Variants in SLC24A2 observed in about 807,000 individuals in gnomAD.
SLC24A2 encodes solute carrier family 24 member 2, also known as sodium/potassium/calcium exchanger 2.
A neutral mutation model predicts 62.0 loss-of-function variants in SLC24A2; 36 were observed. That is an observed-to-expected ratio of 0.58 (90% CI 0.44 to 0.77). The LOEUF (loss-of-function observed/expected upper bound fraction) is 0.77, where lower values mean the gene tolerates loss of function less well. SLC24A2 is among the 30% of genes least tolerant of loss of function. SLC24A2 has a pLI of 0.00. For synonymous variants in SLC24A2, 358 were observed against 294.0 expected, an observed-to-expected ratio of 1.22 and a Z score of -2.23; for missense variants, 846 against 817.9, an observed-to-expected ratio of 1.03 and a Z score of -0.42.
At chr9:19,925,289 T>C in the SLC24A2 span, among the ~76,000 whole-genome samples, 4 of 152,180 alleles carry the variant, frequency 2.6e-5, no homozygotes, top group African/African-American at 9.7e-5. Flanking sequence ...ACCCTGCTGC[T>C]TAGATCTACA....
chr9:20,294,952 C>G, the SLC24A2 span, among the ~76,000 whole-genome samples: 1 of 151,764 alleles, frequency 6.6e-6, no homozygotes, highest in African/African-American at 2.4e-5. Flanking sequence ...TAAGCACACC[C>G]ATTTTAGATC....
chr9:19,896,580 C>T, the SLC24A2 span, among the ~76,000 whole-genome samples: 4 of 152,136 alleles, frequency 2.6e-5, no homozygotes, highest in Non-Finnish European at 5.9e-5. Flanking sequence ...GTATCATCAC[C>T]ATCTAACAGA....
At chr9:19,642,349 A>G (rs1413889623) in intron 2 of SLC24A2, among the ~76,000 whole-genome samples, 5 of 152,172 alleles carry the variant, frequency 3.3e-5, no homozygotes, top group Non-Finnish European at 7.3e-5. Context: ...CTCAGTGAAG[A>G]TGTGCCCAGT....
the SLC24A2 span, among the ~76,000 whole-genome samples, chr9:20,165,359 C>G: frequency 4.0e-5 from 6 of 151,652 alleles, 1 homozygote; most frequent in Admixed American, 3.9e-4. Context: ...AGGAAAATAA[C>G]TGAAAAGGAA....
the SLC24A2 span, among the ~76,000 whole-genome samples, chr9:19,885,083 G>C: frequency 6.6e-6 from 1 of 152,182 alleles, no homozygotes; most frequent in African/African-American, 2.4e-5. Context: ...CTTTATCCTT[G>C]TGAGTGTCTC....
At chr9:19,931,313 A>G in the SLC24A2 span, among the ~76,000 whole-genome samples, 1 of 152,222 alleles carries the variant, frequency 6.6e-6, no homozygotes, top group African/African-American at 2.4e-5. Flanking sequence ...GAAGTAAAAA[A>G]TCATGTAACT....
At chr9:19,890,963 G>T in the SLC24A2 span, among the ~76,000 whole-genome samples, 1 of 152,146 alleles carries the variant, frequency 6.6e-6, no homozygotes, top group South Asian at 2.1e-4. Flanking sequence ...ATGAAAAAAG[G>T]ATGATTGATT....
chr9:19,686,048 T>C (rs1223966114), intron 2 of SLC24A2, among the ~76,000 whole-genome samples: 1 of 152,178 alleles, frequency 6.6e-6, no homozygotes, highest in Non-Finnish European at 1.5e-5. Flanking sequence ...CCAGAATCTA[T>C]AAGGAACTTA....
the SLC24A2 span, among the ~76,000 whole-genome samples, chr9:20,010,684 T>A: frequency 6.6e-6 from 1 of 152,092 alleles, no homozygotes; most frequent in Non-Finnish European, 1.5e-5. Flanking sequence ...TATGTATACA[T>A]GTGCCATGTT....
chr9:19,633,683 G>A (rs565529046), intron 2 of SLC24A2, among the ~76,000 whole-genome samples: 1 of 152,268 alleles, frequency 6.6e-6, no homozygotes, highest in East Asian at 1.9e-4. Context: ...ATGAGTTTCT[G>A]TAATGGCTTA....
At chr9:19,686,412 T>C (rs757303540) in intron 2 of SLC24A2, among the ~76,000 whole-genome samples, 3 of 152,120 alleles carry the variant, frequency 2.0e-5, no homozygotes, top group Non-Finnish European at 2.9e-5. Flanking sequence ...ACTGGCTATA[T>C]ACCTAAAGTA....
chr9:20,106,953 T>C, the SLC24A2 span, among the ~76,000 whole-genome samples: 1,674 of 152,256 alleles, frequency 0.011, 32 homozygotes, highest in African/African-American at 0.036. Flanking sequence ...GAAAACCCCA[T>C]TGTCTCAGCC....
chr9:19,736,979 CA>C (rs1393086800), intron 2 of SLC24A2, among the ~76,000 whole-genome samples: 2 of 152,150 alleles, frequency 1.3e-5, no homozygotes, highest in African/African-American at 4.8e-5. Context: ...AAATGGGAAA[CA>C]GACAAATCTG....
the SLC24A2 span, among the ~76,000 whole-genome samples, chr9:19,889,663 T>A: frequency 6.6e-6 from 1 of 152,212 alleles, no homozygotes; most frequent in Admixed American, 6.5e-5. Flanking sequence ...CTTGTTTCTA[T>A]CTCTACCAAC....
At chr9:20,291,121 G>C in the SLC24A2 span, among the ~76,000 whole-genome samples, 1,128 of 152,288 alleles carry the variant, frequency 7.4e-3, 9 homozygotes, top group African/African-American at 0.024. Flanking sequence ...GCATACGGAA[G>C]TCATGATGAG....
the SLC24A2 span, among the ~76,000 whole-genome samples, chr9:20,248,298 C>A: frequency 6.6e-6 from 1 of 152,198 alleles, no homozygotes; most frequent in African/African-American, 2.4e-5. Flanking sequence ...AAGGCCCTAA[C>A]AGGTACTAAA....
chr9:20,214,750 A>ACTATTCCTACTAAATTC, the SLC24A2 span, among the ~76,000 whole-genome samples: 62 of 152,356 alleles, frequency 4.1e-4, no homozygotes, highest in Admixed American at 7.8e-4. Flanking sequence ...TCCAAGCACT[A>ACTATTCCTACTAAATTC]CAAGTACAGG....
rs1327279344 is a variant in SLC24A2, at chr9:19,547,613, GC to G, written c.1479+2523del. Among the ~76,000 whole-genome samples the G allele has an allele frequency of 1.1e-4, 16 of 147,974 alleles. 2 individuals carry two copies. The highest frequency in any genetic ancestry group is 4.3e-4 in the African/African-American group (16 of 37,394). On this transcript the variant is annotated intron_variant, in intron 8 of 10. Transcript: ENST00000341998. ...TTCCTCCCAATTCTGAGAGTCAAGGGCCTTGACTTACTGGCATCTTCCTCCC... is the reference window on the plus strand; with the variant it reads ...TTCCTCCCAATTCTGAGAGTCAAGGGCTTGACTTACTGGCATCTTCCTCCC...
chr9:20,087,548 C>T, the SLC24A2 span, among the ~76,000 whole-genome samples: 1 of 152,166 alleles, frequency 6.6e-6, no homozygotes, highest in Non-Finnish European at 1.5e-5. Flanking sequence ...GATAATATTT[C>T]CTCTCTCTAC....
Sources: gnomAD v4.1 joint callset for allele counts (sites outside exome capture counted in the v4.1 genomes callset) on GRCh38, gnomAD v4.1.1 for gene constraint, MANE v1.5 for transcripts, NCBI Gene and HGNC (gene_info 2026-07-23, HGNC 2026-07-21) for gene names.